Variants in DNAH9 observed in about 807,000 individuals in gnomAD.
DNAH9 encodes the protein dynein axonemal heavy chain 9.
A neutral mutation model predicts 471.6 loss-of-function variants in DNAH9; 345 were observed. The ratio of observed to expected loss-of-function variants is 0.73; its 90% CI spans 0.67 to 0.80. The LOEUF (loss-of-function observed/expected upper bound fraction) is 0.80. DNAH9 is among the 30% of genes least tolerant of loss of function. The pLI is 0.00. For synonymous variants in DNAH9, 2,093 were observed against 2,123.6 expected (o/e 0.99, Z 0.40); for missense variants, 5,407 against 5,609.2 (o/e 0.96, Z 1.15).
Position 11,652,842 on chromosome 17 carries a change from A to T in DNAH9, c.2435A>T (p.Glu812Val). The T allele has an allele frequency of 6.2e-7, 1 of 1,614,024 alleles. No individual in the cohort carries two copies. The highest frequency in any genetic ancestry group is 8.5e-7 in the Non-Finnish European group (1 of 1,179,870). Residue 812 changes from glutamate to valine, a missense_variant, in exon 14 of 69, where the codon GAA becomes GTA. By Grantham distance (121) the Glu-to-Val change is moderately radical. Around this residue, in one of 3 missense-constraint regions of DNAH9, gnomAD observed 4,636 missense variants for 4,900.3 expected, o/e 0.95. Transcript: ENST00000262442. ...QRIQKTKDNVEEIQNIMKTWV... is the reference protein window; with the variant it reads ...QRIQKTKDNVVEIQNIMKTWV... ...ATTCAGAAAACTAAAGACAATGTGG[A>T]AGAGATCCAAAACATCATGAAAACA...
intron 51 of DNAH9, among the ~76,000 whole-genome samples, chr17:11,870,305 C>T (rs1054383858): frequency 4.6e-5 from 7 of 152,222 alleles, no homozygotes; most frequent in Admixed American, 1.3e-4. Context: ...TTGTATTTCT[C>T]ATCCCATATA....
chr17:11,697,791 G>A (rs571046252), intron 22 of DNAH9, among the ~76,000 whole-genome samples: 1 of 151,764 alleles, frequency 6.6e-6, no homozygotes, highest in South Asian at 2.1e-4. Flanking sequence ...TTAATTTTTT[G>A]TGTCAATTCT....
chr17:11,746,184 G>T (rs2075521283), intron 31 of DNAH9, among the ~76,000 whole-genome samples: 4 of 152,152 alleles, frequency 2.6e-5, no homozygotes, highest in African/African-American at 9.7e-5. Flanking sequence ...CTGAGACTGG[G>T]TAGTCAGGAA....
chr17:11,964,462 C>G (rs1976519324), intron 68 of DNAH9, among the ~76,000 whole-genome samples: 1 of 152,166 alleles, frequency 6.6e-6, no homozygotes, highest in Non-Finnish European at 1.5e-5. Flanking sequence ...TCCCCAAAAT[C>G]AATACTTCTT....
At chr17:11,755,043 A>G (rs545378330) in intron 33 of DNAH9, among the ~76,000 whole-genome samples, 52 of 152,284 alleles carry the variant, frequency 3.4e-4, no homozygotes, top group Admixed American at 2.9e-3. Flanking sequence ...TCTTCCACAT[A>G]TGGCTAGCCA....
chr17:11,664,022 T>C lies in DNAH9; in HGVS notation c.2596-811T>C, dbSNP rs536101382. Among the ~76,000 whole-genome samples the C allele has an allele frequency of 1.1e-4, 16 of 152,340 alleles. 1 individual carries two copies. The South Asian group carries it at 3.3e-3, about 32-fold the overall frequency. On this transcript the variant is annotated intron_variant, in intron 14 of 68. Transcript: ENST00000262442. ...GCAATACACCCTGAAGAGGTAAATA[T>C]GAATCATCTAGAAAAGTTACGTCTG...
rs1251819334 is a variant in DNAH9 at position 11,690,251 on chromosome 17, G to C, written c.4429G>C (p.Val1477Leu). 3 of 1,614,186 alleles carry C rather than the reference G, an allele frequency of 1.9e-6. No individual in the cohort carries two copies. The highest frequency in any genetic ancestry group is 2.5e-6 in the Non-Finnish European group (3 of 1,180,036). Reference protein sequence around the residue: ...DLIEVLEDNQVQLQNLVMSKY... With the variant: ...DLIEVLEDNQLQLQNLVMSKY... Reference sequence around the variant, plus strand: ...CATAGAGGTTCTGGAGGATAATCAAGTTCAACTTCAGAACCTGGTGATGTC... The same window carrying C: ...CATAGAGGTTCTGGAGGATAATCAACTTCAACTTCAGAACCTGGTGATGTC... The change falls in exon 20 of 69, where the codon GTT (valine) becomes CTT (leucine). Residue 1477 changes from valine (V) to leucine (L), a missense_variant. Val to Leu is a conservative substitution (Grantham distance 32). Transcript: ENST00000262442.
chr17:11,923,796 C>A lies in DNAH9; in HGVS notation c.11750-18C>A, dbSNP rs28703615. 270,808 of 1,610,968 alleles carry A rather than the reference C, an allele frequency of 0.17. 24,131 individuals are homozygous for A. The highest frequency in any genetic ancestry group is 0.28 in the Admixed American group (16,672 of 59,798). Reference sequence around the variant, plus strand: ...TTAGACACAAGAAATAATAATGACGCCTCCATCCTCCTTTTAGGAAGAAAA... The same window carrying A: ...TTAGACACAAGAAATAATAATGACGACTCCATCCTCCTTTTAGGAAGAAAA... On this transcript the variant is annotated intron_variant, in intron 61 of 68. Transcript: ENST00000262442.
At chr17:11,734,226 A>G (rs1322042747) in intron 28 of DNAH9, among the ~76,000 whole-genome samples, 4 of 152,132 alleles carry the variant, frequency 2.6e-5, no homozygotes, top group African/African-American at 9.7e-5. Flanking sequence ...CAGAATCTTC[A>G]TGTTAACACA....
At chr17:11,877,108 G>A (rs902640427) in intron 53 of DNAH9, among the ~76,000 whole-genome samples, 1 of 151,818 alleles carries the variant, frequency 6.6e-6, no homozygotes, top group Non-Finnish European at 1.5e-5. Context: ...TACACATTAA[G>A]ACGGCACACA....
At chr17:11,682,042 T>C (rs868436089) in intron 19 of DNAH9, among the ~76,000 whole-genome samples, 17 of 152,200 alleles carry the variant, frequency 1.1e-4, no homozygotes, top group African/African-American at 3.4e-4. Flanking sequence ...GGTGAAAAAC[T>C]GTACTGGTTT....
At chr17:11,840,682 C>A (rs1971002298) in intron 49 of DNAH9, among the ~76,000 whole-genome samples, 1 of 151,956 alleles carries the variant, frequency 6.6e-6, no homozygotes, top group Admixed American at 6.6e-5. Flanking sequence ...TGGGATTATC[C>A]AGGTGGGCCC....
Position 11,669,720 on chromosome 17 carries a change from G to T in DNAH9, c.3279G>T (p.Lys1093Asn). ...TGAAAATTGATATTCGACCCTTTAA[G>T]GCATCTCTGCTGAATATTATTAAGA... ...GWMKIDIRPF[K>N]ASLLNIIKRW... is the part of the protein sequence containing the mutation. The change falls in exon 17 of 69, where the codon AAG becomes AAT. Residue 1093 changes from lysine (K) to asparagine (N), a missense_variant. Lys to Asn is a moderately conservative substitution (Grantham distance 94, BLOSUM62 0). Coordinates refer to ENST00000262442, the MANE Select transcript of DNAH9 (RefSeq NM_001372.4). The T allele has an allele frequency of 6.2e-7, 1 of 1,614,154 alleles. No individual in the cohort carries two copies. Among genetic ancestry groups the T allele is most frequent in the Non-Finnish European group, 8.5e-7 (1 of 1,180,020 alleles).
At chr17:11,695,130 T>C (rs2150763154) in intron 22 of DNAH9, among the ~76,000 whole-genome samples, 1 of 151,794 alleles carries the variant, frequency 6.6e-6, no homozygotes, top group East Asian at 2.0e-4. Context: ...CCTCGTGATC[T>C]GCCCATCTCA....
chr17:11,947,588 G>GAT (rs1489914578), intron 67 of DNAH9, among the ~76,000 whole-genome samples: 11 of 152,044 alleles, frequency 7.2e-5, no homozygotes, highest in African/African-American at 2.7e-4. Flanking sequence ...TGGTATTTTA[G>GAT]ATATATTGAG....
chr17:11,874,528 G>A (rs1597773210), intron 52 of DNAH9, among the ~76,000 whole-genome samples: 1 of 152,092 alleles, frequency 6.6e-6, no homozygotes, highest in East Asian at 1.9e-4. Flanking sequence ...GGTTGGTACA[G>A]ACAGGAGCAA....
At chr17:11,905,580 C>A (rs1215345662) in intron 60 of DNAH9, 81 bp from the exon 61 acceptor site, 4 of 1,460,920 alleles carry the variant, frequency 2.7e-6, no homozygotes, top group Non-Finnish European at 2.8e-6. Context: ...TCTTTCATTT[C>A]TATAGGCCTC....
chr17:11,893,266 A>C (rs1230566448), intron 58 of DNAH9, among the ~76,000 whole-genome samples: 2 of 151,136 alleles, frequency 1.3e-5, no homozygotes, highest in Non-Finnish European at 2.9e-5. Context: ...CCCTGTACAC[A>C]GCTCACTAAT....
chr17:11,747,623 G>A lies in DNAH9; in HGVS notation c.6467G>A (p.Gly2156Asp). The change falls in exon 32 of 69, where the codon GGC becomes GAC. Residue 2156 changes from glycine to aspartate, a missense_variant. Transcript: ENST00000262442. ...SVFVVGGAGT[G>D]KSQVLRSLHK... ...TTTGTGGTGGGTGGCGCTGGTACCG[G>A]CAAGTCACAGGTGCTGAGGTCCTTG... is the stretch of plus-strand genomic sequence containing the variant. 2 of 1,614,110 alleles carry A rather than the reference G, an allele frequency of 1.2e-6. No individual in the cohort carries two copies. Among genetic ancestry groups the A allele is most frequent in the Admixed American group, 1.7e-5 (1 of 60,018 alleles).
Sources: allele counts gnomAD v4.1 joint callset (sites outside exome capture counted in the v4.1 genomes callset), GRCh38; gene constraint gnomAD v4.1.1; regional missense constraint gnomAD v4.1.1; transcripts MANE v1.5; gene names NCBI Gene and HGNC (gene_info 2026-07-23, HGNC 2026-07-21).